ZFAT: variants seen among roughly 807,000 people sequenced by gnomAD.
ZFAT encodes the protein zinc finger and AT-hook domain containing.
Under a neutral mutation model 117.7 loss-of-function variants are expected in ZFAT, and 64 were observed. That is an observed-to-expected ratio of 0.54 (90% CI 0.44 to 0.67). The LOEUF (loss-of-function observed/expected upper bound fraction) is 0.67. ZFAT is among the 30% of genes least tolerant of loss of function. ZFAT has a pLI of 0.00. For missense variants in ZFAT, 1,433 were observed against 1,584.5 expected (o/e 0.90, Z 1.62); for synonymous variants, 679 against 615.0 (o/e 1.10, Z -1.54).
the ZFAT span, among the ~76,000 whole-genome samples, chr8:134,762,194 A>C: frequency 6.6e-6 from 1 of 152,192 alleles, no homozygotes; most frequent in East Asian, 1.9e-4. Flanking sequence ...AAGGACCCAA[A>C]TCAGAGGGGC....
At chr8:134,555,483 C>T (rs922825635) in intron 11 of ZFAT, among the ~76,000 whole-genome samples, 1 of 152,216 alleles carries the variant, frequency 6.6e-6, no homozygotes, top group African/African-American at 2.4e-5. Flanking sequence ...CAAAGGAGAG[C>T]AGCCAAGCCT....
At chr8:134,664,143 C>T (rs555234799) in intron 1 of ZFAT, among the ~76,000 whole-genome samples, 1 of 151,952 alleles carries the variant, frequency 6.6e-6, no homozygotes, top group African/African-American at 2.4e-5. Context: ...CCCCACTCCA[C>T]CCCTATGAAC....
intron 10 of ZFAT, among the ~76,000 whole-genome samples, chr8:134,568,542 T>G (rs1283930887): frequency 1.3e-5 from 2 of 152,226 alleles, no homozygotes; most frequent in African/African-American, 4.8e-5. Flanking sequence ...TCATTCATTG[T>G]CAAACACTTG....
At chr8:134,497,142 G>A (rs1316224447) in intron 15 of ZFAT, among the ~76,000 whole-genome samples, 1 of 151,774 alleles carries the variant, frequency 6.6e-6, no homozygotes, top group Admixed American at 6.6e-5. Context: ...GAAAGAGGTG[G>A]GCACCTTGCT....
At chr8:134,505,191 G>A (rs1182916021) in intron 15 of ZFAT, among the ~76,000 whole-genome samples, 6 of 152,128 alleles carry the variant, frequency 3.9e-5, no homozygotes, top group African/African-American at 7.2e-5. Flanking sequence ...CAATTAAAAC[G>A]TAAGCTTCTC....
intron 1 of ZFAT, chr8:134,673,483 TG>T (rs35787562): frequency 1.4e-5 from 3 of 216,184 alleles, no homozygotes; most frequent in Admixed American, 4.3e-5. Context: ...ATGCTAGAAT[TG>T]GGGATTATGA....
intron 10 of ZFAT, among the ~76,000 whole-genome samples, chr8:134,573,431 G>A (rs912924805): frequency 6.6e-6 from 1 of 152,218 alleles, no homozygotes; most frequent in South Asian, 2.1e-4. Flanking sequence ...CTGTATGGCA[G>A]TTTGTAGACT....
intron 10 of ZFAT, among the ~76,000 whole-genome samples, chr8:134,571,952 C>T (rs565433004): frequency 2.6e-5 from 4 of 152,166 alleles, no homozygotes; most frequent in African/African-American, 2.4e-5. Context: ...ATAGCCATCC[C>T]GCTCCTGGAA....
rs188721729 is a variant in ZFAT at position 134,579,688 on chromosome 8, T to C, written c.2887+4144A>G. 2.8e-3 allele frequency among the ~76,000 whole-genome samples: 428 copies of C among 152,284 alleles called. 1 individual carries two copies. The highest frequency in any genetic ancestry group is 9.2e-3 in the African/African-American group (382 of 41,560). On this transcript the variant is annotated intron_variant, in intron 10 of 15. Coordinates refer to ENST00000377838, the MANE Select transcript of ZFAT (RefSeq NM_020863.4). ...GAAAAAAAGAACACATGGTGGCTCA[T>C]GCCTGTAACCCCAGCACTTTGGGAG...
chr8:134,778,830 C>T, the ZFAT span, among the ~76,000 whole-genome samples: 2 of 152,144 alleles, frequency 1.3e-5, no homozygotes, highest in Non-Finnish European at 2.9e-5. Context: ...CAAAACAGGA[C>T]ATGGTGGGGA....
chr8:134,504,344 G>T (rs559948505), intron 15 of ZFAT, among the ~76,000 whole-genome samples: 20 of 152,194 alleles, frequency 1.3e-4, no homozygotes, highest in African/African-American at 4.8e-4. Context: ...AAAGACCGAA[G>T]ATTATCATAA....
chr8:134,755,011 T>TA, the ZFAT span, among the ~76,000 whole-genome samples: 18 of 152,308 alleles, frequency 1.2e-4, no homozygotes, highest in African/African-American at 4.1e-4. Flanking sequence ...AAGCCAGCCT[T>TA]ACCTTTTTGG....
chr8:134,628,847 G>T (rs1242602398), intron 3 of ZFAT, among the ~76,000 whole-genome samples: 1 of 152,196 alleles, frequency 6.6e-6, no homozygotes, highest in African/African-American at 2.4e-5. Flanking sequence ...AAGAGGAAAT[G>T]AATTAATATT....
the ZFAT span, among the ~76,000 whole-genome samples, chr8:134,745,434 CTGAG>C: frequency 6.6e-6 from 1 of 152,268 alleles, no homozygotes; most frequent in Middle Eastern, 3.4e-3. Flanking sequence ...GAGTCTACAG[CTGAG>C]TGAATGTTCC....
intron 11 of ZFAT, among the ~76,000 whole-genome samples, chr8:134,558,576 A>T (rs934890275): frequency 2.0e-5 from 3 of 152,228 alleles, no homozygotes; most frequent in African/African-American, 7.2e-5. Context: ...ATACAATATA[A>T]CACCTAGAAA....
chr8:134,602,936 A>G lies in ZFAT; in HGVS notation c.786-3T>C. 2 of 1,600,370 alleles carry G rather than the reference A, an allele frequency of 1.2e-6. 1 individual carries two copies. Among genetic ancestry groups the G allele is most frequent in the Middle Eastern group, 3.3e-4 (2 of 5,978 alleles). On this transcript the variant is annotated splice_polypyrimidine_tract_variant and splice_region_variant and intron_variant, in intron 5 of 15. Transcript: ENST00000377838. ...TTTTGAGCTGAGTGGGACCTAGCCT[A>G]GAAACAGATGACAGCATGGTTACAT... is the stretch of plus-strand genomic sequence containing the variant.
At chr8:134,564,912 C>G in intron 11 of ZFAT, 2 of 1,193,706 alleles carry the variant, frequency 1.7e-6, no homozygotes, top group Non-Finnish European at 2.1e-6. Context: ...GGTGGACACT[C>G]CCGAACACAA....
intron 15 of ZFAT, among the ~76,000 whole-genome samples, chr8:134,484,312 T>C (rs1474288668): frequency 3.9e-5 from 6 of 152,216 alleles, no homozygotes; most frequent in Admixed American, 2.0e-4. Context: ...CAAAAGTAAC[T>C]GCAGTTTTTG....
intron 10 of ZFAT, among the ~76,000 whole-genome samples, chr8:134,580,636 A>C (rs900340620): frequency 1.3e-5 from 2 of 152,222 alleles, no homozygotes; most frequent in Non-Finnish European, 1.5e-5. Flanking sequence ...CAGCTTGAAA[A>C]ATAAGGTACT....
Sources: allele counts gnomAD v4.1 joint callset (sites outside exome capture counted in the v4.1 genomes callset), GRCh38; gene constraint gnomAD v4.1.1; transcripts MANE v1.5; gene names NCBI Gene and HGNC (gene_info 2026-07-23, HGNC 2026-07-21).